CDH12: variants seen among roughly 807,000 people sequenced by gnomAD.
The protein encoded by CDH12 is cadherin-12.
Under a neutral mutation model 74.1 loss-of-function variants are expected in CDH12, and 41 were observed. The observed-to-expected ratio is 0.55, with a 90% confidence interval of 0.43 to 0.72. The LOEUF is 0.72. CDH12 is among the 30% of genes least tolerant of loss of function. The pLI is 0.00. For synonymous variants in CDH12, 399 were observed against 355.0 expected, an observed-to-expected ratio of 1.12 and a Z score of -1.39; for missense variants, 945 against 977.2, an observed-to-expected ratio of 0.97 and a Z score of 0.44.
intron 6 of CDH12, chr5:21,883,311 G>A (rs1752455144): frequency 6.7e-7 from 1 of 1,497,864 alleles, no homozygotes; most frequent in Admixed American, 1.7e-5. Context: ...TGAATTCCAG[G>A]ATGCCTATGT....
At chr5:22,174,770 C>A (rs1580358453) in intron 4 of CDH12, among the ~76,000 whole-genome samples, 3 of 151,850 alleles carry the variant, frequency 2.0e-5, no homozygotes, top group Admixed American at 6.6e-5. Flanking sequence ...ACTCTGGTCA[C>A]CAATGATAAA....
At chr5:22,415,433 C>T (rs1479887695) in intron 2 of CDH12, among the ~76,000 whole-genome samples, 3 of 152,140 alleles carry the variant, frequency 2.0e-5, no homozygotes, top group Non-Finnish European at 4.4e-5. Context: ...GATTGTGGGT[C>T]CAGTCATGTG....
chr5:22,098,482 C>T (rs1029558022), intron 4 of CDH12, among the ~76,000 whole-genome samples: 10 of 152,156 alleles, frequency 6.6e-5, no homozygotes, highest in Non-Finnish European at 1.2e-4. Flanking sequence ...CTCATGTTTG[C>T]GTGCAGCAGC....
chr5:22,036,590 T>C (rs537990382), intron 5 of CDH12, among the ~76,000 whole-genome samples: 2 of 152,302 alleles, frequency 1.3e-5, no homozygotes, highest in African/African-American at 4.8e-5. Context: ...GTGTGTGTTT[T>C]GCCAAGAGTT....
intron 1 of CDH12, among the ~76,000 whole-genome samples, chr5:22,790,750 A>G (rs1747866213): frequency 2.0e-5 from 3 of 152,130 alleles, no homozygotes; most frequent in Admixed American, 2.0e-4. Context: ...TTTTGTGAAT[A>G]CCTAAATTGA....
At chr5:22,549,314 C>T (rs190255436) in intron 1 of CDH12, among the ~76,000 whole-genome samples, 2 of 152,028 alleles carry the variant, frequency 1.3e-5, no homozygotes, top group Non-Finnish European at 2.9e-5. Flanking sequence ...CCACTCAGCC[C>T]AGCCATCTTG....
At chr5:22,708,301 C>T (rs889637672) in intron 1 of CDH12, among the ~76,000 whole-genome samples, 15 of 152,236 alleles carry the variant, frequency 9.9e-5, no homozygotes, top group African/African-American at 2.9e-4. Flanking sequence ...ATTTACAGTA[C>T]GCTTACTCAA....
chr5:22,831,898 C>CT (rs922140673), intron 1 of CDH12, among the ~76,000 whole-genome samples: 2 of 151,118 alleles, frequency 1.3e-5, no homozygotes, highest in South Asian at 2.1e-4. Context: ...CTCTGTCCCC[C>CT]CCAAAAAAAA....
chr5:21,880,693 C>CTTTCTTTCTTTCTT (rs1752304739), intron 6 of CDH12, among the ~76,000 whole-genome samples: 1 of 103,514 alleles, frequency 9.7e-6, no homozygotes, highest in South Asian at 3.4e-4. Context: ...CTTTCTTTCT[C>CTTTCTTTCTTTCTT]TTTTCTCCTT....
chr5:21,970,496 C>G (rs6869883), intron 6 of CDH12, among the ~76,000 whole-genome samples: 276 of 152,156 alleles, frequency 1.8e-3, no homozygotes, highest in African/African-American at 6.4e-3. Flanking sequence ...AGTACAGACA[C>G]AGTCTTCACT....
intron 7 of CDH12, among the ~76,000 whole-genome samples, chr5:21,853,817 T>C (rs1252004333): frequency 6.6e-6 from 1 of 151,692 alleles, no homozygotes; most frequent in Non-Finnish European, 1.5e-5. Flanking sequence ...GAGAACAGTT[T>C]TCCATTATTT....
intron 1 of CDH12, among the ~76,000 whole-genome samples, chr5:22,656,219 CA>C (rs1179469445): frequency 6.6e-6 from 1 of 152,076 alleles, no homozygotes; most frequent in African/African-American, 2.4e-5. Flanking sequence ...TTACATTTTA[CA>C]CACATGTTCT....
In CDH12 at chr5:21,975,216, A is replaced by G. The variant is rs371867781; in HGVS notation, c.401T>C (p.Ile134Thr). 3 of 1,597,134 alleles carry G rather than the reference A, an allele frequency of 1.9e-6. No individual in the cohort carries two copies. Among genetic ancestry groups the G allele is most frequent in the African/African-American group, 1.3e-5 (1 of 74,810 alleles). The change falls in exon 6 of 15, where the codon ATA becomes ACA. Residue 134 changes from isoleucine (I) to threonine (T), a missense_variant. By Grantham distance (89) the Ile-to-Thr change is moderately conservative (BLOSUM62 -1). This residue lies in a region of CDH12 where 148 missense variants were observed against 162.8 expected (regional missense o/e 0.91). Transcript: ENST00000382254. ...AGGCTCCAGGGGCTTTCTGGTTTCT[A>G]TGTCCACAGCCTGAGCACGAAGAGT... Reference protein sequence around the residue: ...FYTLRAQAVDIETRKPLEPES... With the variant: ...FYTLRAQAVDTETRKPLEPES...
At chr5:21,936,392 T>C (rs1679916738) in intron 6 of CDH12, among the ~76,000 whole-genome samples, 1 of 152,198 alleles carries the variant, frequency 6.6e-6, no homozygotes, top group African/African-American at 2.4e-5. Flanking sequence ...ATTCATTCAC[T>C]CTTTTATTTT....
Position 22,848,805 on chromosome 5 carries a change from T to A in CDH12, c.-523+4253A>T, listed in dbSNP as rs554150804. On this transcript the variant is annotated intron_variant, in intron 1 of 14. Transcript: ENST00000382254. The stretch of plus-strand genomic sequence containing the variant: ...CCTTGCTGTCACTGAGAATACTGAT[T>A]CAGTCTAATTGTTATATTTTGTAGA... 2.0e-5 allele frequency among the ~76,000 whole-genome samples: 3 copies of A among 152,328 alleles called. No homozygotes were observed. The South Asian group carries it at 6.2e-4, about 32-fold the overall frequency.
chr5:22,815,769 C>CAAAA (rs34135797), intron 1 of CDH12, among the ~76,000 whole-genome samples: 16 of 96,808 alleles, frequency 1.7e-4, no homozygotes, highest in South Asian at 3.3e-4. Context: ...GACTCCGTCT[C>CAAAA]AAAAAAAAAA....
chr5:22,841,009 C>A (rs183673599), intron 1 of CDH12, among the ~76,000 whole-genome samples: 1 of 152,070 alleles, frequency 6.6e-6, no homozygotes, highest in South Asian at 2.1e-4. Flanking sequence ...TAAAATGAGG[C>A]GGCACAGACT....
intron 6 of CDH12, among the ~76,000 whole-genome samples, chr5:21,922,470 T>C (rs1181778827): frequency 1.3e-5 from 2 of 152,146 alleles, no homozygotes; most frequent in African/African-American, 2.4e-5. Context: ...TTATTGAACA[T>C]GCAATAAATA....
intron 1 of CDH12, among the ~76,000 whole-genome samples, chr5:22,583,779 C>T (rs1740228084): frequency 6.6e-6 from 1 of 152,030 alleles, no homozygotes; most frequent in Non-Finnish European, 1.5e-5. Context: ...TTTTCACAGG[C>T]TTTTTTCTTA....
Sources: gnomAD v4.1 joint callset for allele counts (sites outside exome capture counted in the v4.1 genomes callset) on GRCh38, gnomAD v4.1.1 for gene constraint, gnomAD v4.1.1 regional missense constraint, MANE v1.5 for transcripts, NCBI Gene and HGNC (gene_info 2026-07-23, HGNC 2026-07-21) for gene names.